The following CACNA2D1 variants were observed in gnomAD, a reference collection of about 807,000 sequenced individuals.
CACNA2D1 encodes the protein calcium voltage-gated channel auxiliary subunit alpha2delta 1, also known as voltage-dependent calcium channel subunit alpha-2/delta-1.
CACNA2D1 carries 53 observed loss-of-function variants against 171.5 expected under a neutral mutation model. That is an observed-to-expected ratio of 0.31 (90% CI 0.25 to 0.39). The LOEUF is 0.39. Among genes scored for constraint, CACNA2D1 ranks in the 10% least tolerant of loss-of-function variants. The pLI is 1.00. For missense variants in CACNA2D1, 903 were observed against 1,299.8 expected (o/e 0.69, Z 4.69); for synonymous variants, 442 against 443.1 (o/e 1.00, Z 0.03).
chr7:82,094,050 G>A (rs1319036329), intron 6 of CACNA2D1, among the ~76,000 whole-genome samples: 2 of 152,120 alleles, frequency 1.3e-5, no homozygotes. Flanking sequence ...CTGGGGACAA[G>A]GGTGATATTG....
chr7:82,294,310 G>A (rs1380314211), intron 3 of CACNA2D1, among the ~76,000 whole-genome samples: 1 of 152,210 alleles, frequency 6.6e-6, no homozygotes, highest in South Asian at 2.1e-4. Context: ...GTTTGATGTA[G>A]AAGTCAGCTG....
chr7:82,138,764 A>T (rs1563103943), intron 4 of CACNA2D1, among the ~76,000 whole-genome samples: 1 of 152,038 alleles, frequency 6.6e-6, no homozygotes, highest in Non-Finnish European at 1.5e-5. Flanking sequence ...TTATTTTTAT[A>T]AAAAAGCAGA....
chr7:82,262,247 C>T (rs376988823), intron 3 of CACNA2D1, among the ~76,000 whole-genome samples: 3 of 152,166 alleles, frequency 2.0e-5, no homozygotes, highest in South Asian at 2.1e-4. Context: ...AGGAGAATGG[C>T]GTGAACCCAG....
chr7:82,149,831 C>G (rs1793603745), intron 4 of CACNA2D1, among the ~76,000 whole-genome samples: 1 of 150,770 alleles, frequency 6.6e-6, no homozygotes, highest in South Asian at 2.1e-4. Context: ...GTGGTAGGCG[C>G]CTGTAGTCCC....
chr7:82,053,210 CCACTGCACTCCAGCCT>C (rs1562928719), intron 10 of CACNA2D1, among the ~76,000 whole-genome samples: 1 of 139,056 alleles, frequency 7.2e-6, no homozygotes, highest in Non-Finnish European at 1.5e-5. Flanking sequence ...CGAGATGGCG[CCACTGCACTCCAGCCT>C]GGGTGACAGA....
chr7:82,262,836 C>T (rs1807302912), intron 3 of CACNA2D1, among the ~76,000 whole-genome samples: 1 of 152,132 alleles, frequency 6.6e-6, no homozygotes, highest in African/African-American at 2.4e-5. Context: ...TCCTTCCTCC[C>T]TTCTCCCTTT....
At chr7:82,127,354 T>C (rs1170235275) in intron 5 of CACNA2D1, among the ~76,000 whole-genome samples, 1 of 152,198 alleles carries the variant, frequency 6.6e-6, no homozygotes, top group Non-Finnish European at 1.5e-5. Flanking sequence ...TCCACTAACC[T>C]TGAAGCAAAA....
intron 29 of CACNA2D1, 63 bp from the exon 30 acceptor site, chr7:81,967,726 GAC>G (rs1033706230): frequency 1.3e-5 from 10 of 776,314 alleles, no homozygotes; most frequent in African/African-American, 5.2e-5. Flanking sequence ...TTTGCAATAT[GAC>G]AGTTATTTTG....
At chr7:82,016,256 A>G (rs1463529736) in intron 12 of CACNA2D1, among the ~76,000 whole-genome samples, 1 of 152,134 alleles carries the variant, frequency 6.6e-6, no homozygotes, top group Admixed American at 6.6e-5. Context: ...AATTCAATTT[A>G]AATGCCATAC....
chr7:82,278,330 G>A (rs1311429801), intron 3 of CACNA2D1, among the ~76,000 whole-genome samples: 4 of 152,058 alleles, frequency 2.6e-5, no homozygotes. Context: ...TGTAATCCCA[G>A]CACTTTGGGA....
chr7:82,407,724 G>C (rs949611762), intron 1 of CACNA2D1, among the ~76,000 whole-genome samples: 3 of 152,074 alleles, frequency 2.0e-5, no homozygotes, highest in Non-Finnish European at 2.9e-5. Flanking sequence ...GAGTTCTCTG[G>C]ATAAGTGTTA....
chr7:82,428,741 T>C (rs1829420711), intron 1 of CACNA2D1, among the ~76,000 whole-genome samples: 2 of 152,290 alleles, frequency 1.3e-5, no homozygotes, highest in Admixed American at 1.3e-4. Flanking sequence ...TGATACTCTT[T>C]TACAGAATAT....
At chr7:82,190,705 T>G (rs912146439) in intron 3 of CACNA2D1, among the ~76,000 whole-genome samples, 6 of 151,580 alleles carry the variant, frequency 4.0e-5, no homozygotes, top group Non-Finnish European at 7.4e-5. Context: ...TATCCTTAAA[T>G]CCATCACCAT....
At position 82,024,044 on chromosome 7, in the gene CACNA2D1, A is replaced by G. The variant is rs559858539; in HGVS notation, c.1143+8753T>C. On this transcript the variant is annotated intron_variant, in intron 12 of 38. Transcript: ENST00000356860. ...TGTATGTATATACCACATTTTCTTT[A>G]TCTATTCATCTGTCAAGGAACATTA... 5.9e-5 allele frequency: 9 copies of G among 151,788 alleles called. No homozygotes were observed. The East Asian group carries it at 1.5e-3, about 26-fold the overall frequency. 9.4% of individuals were successfully genotyped at this position (151,788 alleles called of 1,614,324 possible).
chr7:82,354,614 G>A (rs1346449735), intron 1 of CACNA2D1, among the ~76,000 whole-genome samples: 2 of 152,164 alleles, frequency 1.3e-5, no homozygotes, highest in Non-Finnish European at 2.9e-5. Flanking sequence ...TAAGGGACAA[G>A]AAGTAGGTAT....
intron 3 of CACNA2D1, among the ~76,000 whole-genome samples, chr7:82,222,908 T>TTTG (rs1801940899): frequency 6.7e-6 from 1 of 148,782 alleles, no homozygotes; most frequent in Non-Finnish European, 1.5e-5. Flanking sequence ...CTTTTTTTTT[T>TTTG]TTTGTTTGTT....
intron 4 of CACNA2D1, among the ~76,000 whole-genome samples, chr7:82,142,699 A>G (rs978627781): frequency 2.0e-5 from 3 of 152,196 alleles, no homozygotes; most frequent in African/African-American, 7.2e-5. Context: ...AGTTTTGGGC[A>G]ACTGTACTGT....
intron 3 of CACNA2D1, among the ~76,000 whole-genome samples, chr7:82,220,603 A>G (rs1647847972): frequency 6.6e-6 from 1 of 152,120 alleles, no homozygotes; most frequent in South Asian, 2.1e-4. Context: ...ACCCCCTCAT[A>G]TGAGTAATAA....
At chr7:82,382,847 T>C (rs1038885852) in intron 1 of CACNA2D1, among the ~76,000 whole-genome samples, 6 of 152,196 alleles carry the variant, frequency 3.9e-5, no homozygotes, top group Admixed American at 1.3e-4. Flanking sequence ...TCAAAAACAT[T>C]TACTGTTTGT....
Sources: gnomAD v4.1 joint callset for allele counts (sites outside exome capture counted in the v4.1 genomes callset) on GRCh38, gnomAD v4.1.1 for gene constraint, MANE v1.5 for transcripts, NCBI Gene and HGNC (gene_info 2026-07-23, HGNC 2026-07-21) for gene names.